PSD3: variants seen among roughly 807,000 people sequenced by gnomAD.
PSD3 encodes the protein pleckstrin and Sec7 domain containing 3.
A neutral mutation model predicts 105.5 loss-of-function variants in PSD3; 49 were observed. The observed-to-expected ratio is 0.46, with a 90% CI of 0.37 to 0.59. The LOEUF is 0.59. PSD3 is among the 20% of genes least tolerant of loss of function. The probability of loss-of-function intolerance (pLI) is 0.00; values close to 1 mark genes in which losing one functional copy is unlikely to be tolerated. For synonymous variants in PSD3, 557 were observed against 457.8 expected, an observed-to-expected ratio of 1.22 and a Z score of -2.77; for missense variants, 1,561 against 1,263.8, an observed-to-expected ratio of 1.24 and a Z score of -3.57.
At position 18,865,275 on chromosome 8, in the gene PSD3, TATATATATATA is replaced by T. The variant is rs1263988915; in HGVS notation, c.1634+2388_1634+2398del. ...ATATATATATATATATATATATATA[TATATATATATA>T]TTTTTTTTTTTTTTTTTTTTTTTAA... On this transcript the variant is annotated intron_variant, in intron 4 of 15. Coordinates refer to ENST00000327040, the MANE Select transcript of PSD3 (RefSeq NM_015310.4). The T allele has an allele frequency of 6.3e-3, 24 of 3,826 alleles. 2 individuals carry two copies. Among genetic ancestry groups the T allele is most frequent in the African/African-American group, 9.8e-3 (8 of 816 alleles). The allele number at this position is 3,826 out of a possible 1,614,324, so 0.2% of individuals were successfully genotyped here.
chr8:19,036,088 G>C (rs909050777), intron 1 of PSD3, among the ~76,000 whole-genome samples: 14 of 152,126 alleles, frequency 9.2e-5, no homozygotes, highest in African/African-American at 3.4e-4. Context: ...CTGTTGCAAT[G>C]TTCAAATCAC....
At chr8:18,918,126 C>T (rs1385354336) in intron 2 of PSD3, among the ~76,000 whole-genome samples, 2 of 152,126 alleles carry the variant, frequency 1.3e-5, no homozygotes, top group African/African-American at 4.8e-5. Flanking sequence ...TTTAGCATGG[C>T]ACGTAAGACC....
At chr8:18,668,014 G>A (rs1032203210) in intron 9 of PSD3, among the ~76,000 whole-genome samples, 9 of 152,324 alleles carry the variant, frequency 5.9e-5, no homozygotes, top group Admixed American at 3.9e-4. Context: ...CCAAGAAATC[G>A]CGCTGGCCCG....
At chr8:18,566,325 G>C (rs1801744770) in intron 14 of PSD3, among the ~76,000 whole-genome samples, 1 of 152,054 alleles carries the variant, frequency 6.6e-6, no homozygotes, top group South Asian at 2.1e-4. Context: ...AGGAGTTCGA[G>C]ACCATCATTG....
chr8:18,853,525 T>G (rs2129452986), intron 4 of PSD3, among the ~76,000 whole-genome samples: 1 of 152,208 alleles, frequency 6.6e-6, no homozygotes, highest in Non-Finnish European at 1.5e-5. Flanking sequence ...AGGCTGAAAT[T>G]CCCTCAGCTC....
chr8:18,915,630 A>T (rs746392616), intron 2 of PSD3, among the ~76,000 whole-genome samples: 5 of 152,196 alleles, frequency 3.3e-5, no homozygotes, highest in Non-Finnish European at 7.3e-5. Context: ...TAAAATGCTG[A>T]ATGTCACTAA....
chr8:18,611,841 T>G (rs1487759), intron 11 of PSD3, among the ~76,000 whole-genome samples: 1 of 151,990 alleles, frequency 6.6e-6, no homozygotes, highest in East Asian at 1.9e-4. Context: ...TGTCTGATTA[T>G]AGATTAGCCT....
At chr8:18,595,670 G>C (rs1021794680) in intron 12 of PSD3, among the ~76,000 whole-genome samples, 2 of 152,018 alleles carry the variant, frequency 1.3e-5, no homozygotes, top group African/African-American at 4.8e-5. Flanking sequence ...ACTGTCAAGA[G>C]AGAAAGAATG....
chr8:18,762,750 A>C (rs1806646532), intron 9 of PSD3: 3 of 360,858 alleles, frequency 8.3e-6, no homozygotes, highest in South Asian at 5.9e-5. Context: ...CAAATTCAGA[A>C]GCAAAATATT....
intron 9 of PSD3, among the ~76,000 whole-genome samples, chr8:18,729,826 C>T (rs1488089667): frequency 6.6e-6 from 1 of 152,142 alleles, no homozygotes; most frequent in African/African-American, 2.4e-5. Flanking sequence ...GAAATAAATC[C>T]TCATGCTAAA....
intron 8 of PSD3, among the ~76,000 whole-genome samples, chr8:18,779,238 C>T (rs1367633213): frequency 6.6e-6 from 1 of 152,172 alleles, no homozygotes; most frequent in Non-Finnish European, 1.5e-5. Flanking sequence ...TTTGTTCAGA[C>T]AGTTGTTCAC....
At chr8:18,581,254 A>T (rs1247034024) in intron 12 of PSD3, among the ~76,000 whole-genome samples, 1 of 152,224 alleles carries the variant, frequency 6.6e-6, no homozygotes, top group African/African-American at 2.4e-5. Flanking sequence ...TAATTTTTAA[A>T]GCACATATGA....
At chr8:19,034,586 A>T (rs1827881994) in intron 1 of PSD3, among the ~76,000 whole-genome samples, 1 of 152,186 alleles carries the variant, frequency 6.6e-6, no homozygotes, top group Non-Finnish European at 1.5e-5. Context: ...GTACCAGGTG[A>T]AGGCCTCAGT....
chr8:18,563,154 T>C (rs1224865134), intron 14 of PSD3, among the ~76,000 whole-genome samples: 1 of 152,068 alleles, frequency 6.6e-6, no homozygotes, highest in African/African-American at 2.4e-5. Flanking sequence ...TCCAGTAAAG[T>C]GTTGAGCAGA....
chr8:18,900,180 G>T (rs1819413045), intron 2 of PSD3, among the ~76,000 whole-genome samples: 1 of 151,956 alleles, frequency 6.6e-6, no homozygotes, highest in African/African-American at 2.4e-5. Context: ...TCTTTTGCTG[G>T]CATTACATTC....
chr8:19,042,089 T>C (rs919901604), intron 1 of PSD3, among the ~76,000 whole-genome samples: 4 of 152,220 alleles, frequency 2.6e-5, no homozygotes, highest in African/African-American at 7.2e-5. Context: ...TATGTGTTTA[T>C]ATGGGAACAA....
intron 9 of PSD3, among the ~76,000 whole-genome samples, chr8:18,746,675 C>T (rs536594506): frequency 4.5e-4 from 69 of 152,342 alleles, no homozygotes; most frequent in Non-Finnish European, 5.9e-4. Context: ...TTCAACCACA[C>T]GGCATACAGT....
In PSD3 at chr8:18,582,334, T is replaced by C. The variant is rs146331755; in HGVS notation, c.2482-7049A>G. Among the ~76,000 whole-genome samples the C allele has an allele frequency of 8.6e-3, 1,313 of 152,238 alleles. 20 individuals carry two copies. The highest frequency in any genetic ancestry group is 9.2e-3 in the Non-Finnish European group (625 of 68,012). On this transcript the variant is annotated intron_variant, in intron 12 of 15. Transcript: ENST00000327040. ...TGACGTGGCACTCTCCAATTCCCTA[T>C]CTTACCTTTTCATGACAGGACACAT...
intron 12 of PSD3, among the ~76,000 whole-genome samples, chr8:18,587,776 G>C (rs978500057): frequency 1.1e-4 from 16 of 152,146 alleles, no homozygotes; most frequent in African/African-American, 3.1e-4. Flanking sequence ...TGTAGGCAGG[G>C]ATTGTATCTT....
Sources: gnomAD v4.1 joint callset for allele counts (sites outside exome capture counted in the v4.1 genomes callset) on GRCh38, gnomAD v4.1.1 for gene constraint, MANE v1.5 for transcripts, NCBI Gene and HGNC (gene_info 2026-07-23, HGNC 2026-07-21) for gene names.